The following KCNAB1 variants were observed in gnomAD, a reference collection of about 807,000 sequenced individuals.
KCNAB1 encodes potassium voltage-gated channel subfamily A regulatory beta subunit 1.
In KCNAB1, 35 loss-of-function variants were observed where a neutral mutation model predicts 64.6. The observed-to-expected ratio is 0.54, with a 90% CI of 0.41 to 0.72. The LOEUF is 0.72. Ranked by LOEUF, KCNAB1 falls within the 30% of genes least tolerant of loss-of-function variation. KCNAB1 has a pLI of 0.00. For missense variants in KCNAB1, 401 were observed against 512.9 expected (o/e 0.78, Z 2.11); for synonymous variants, 177 against 183.8 (o/e 0.96, Z 0.30).
chr3:156,292,648 T>C lies in KCNAB1; in HGVS notation c.276-128968T>C, dbSNP rs1179269341. On this transcript the variant is annotated intron_variant, in intron 1 of 13. Coordinates refer to ENST00000490337, the MANE Select transcript of KCNAB1 (RefSeq NM_172160.3). ...AAATAGCCTCCTGGGTTCAAGCGATTCTCCTGCCTTAACCTCCTGAGTAGC... is the reference window on the plus strand; with the variant it reads ...AAATAGCCTCCTGGGTTCAAGCGATCCTCCTGCCTTAACCTCCTGAGTAGC... Among the ~76,000 whole-genome samples, 3 of 152,130 alleles carry C rather than the reference T, an allele frequency of 2.0e-5. No individual in the cohort carries two copies. In the East Asian group the frequency reaches 5.8e-4, roughly 29 times the overall value.
At chr3:156,454,966 C>T (rs6441070) in intron 3 of KCNAB1, among the ~76,000 whole-genome samples, 5,495 of 152,190 alleles carry the variant, frequency 0.036, 344 homozygotes, top group African/African-American at 0.12. Context: ...CTAAAAACTA[C>T]GATAAAGCTG....
chr3:156,467,976 AT>A (rs1210365108), intron 7 of KCNAB1, among the ~76,000 whole-genome samples: 3 of 151,776 alleles, frequency 2.0e-5, no homozygotes, highest in African/African-American at 7.3e-5. Context: ...TTGTCAGGCT[AT>A]TTTTCTTTTG....
intron 1 of KCNAB1, among the ~76,000 whole-genome samples, chr3:156,310,087 C>A (rs969370084): frequency 3.9e-5 from 6 of 152,244 alleles, no homozygotes; most frequent in Admixed American, 3.3e-4. Context: ...TATAAAGAAG[C>A]AAACTGGAGA....
intron 1 of KCNAB1, among the ~76,000 whole-genome samples, chr3:156,234,736 G>T (rs1716749374): frequency 6.6e-6 from 1 of 152,120 alleles, no homozygotes; most frequent in African/African-American, 2.4e-5. Context: ...TGGCTGTGTG[G>T]TTTGCTCTAG....
At chr3:156,442,325 C>T (rs1717062212) in intron 2 of KCNAB1, among the ~76,000 whole-genome samples, 1 of 152,160 alleles carries the variant, frequency 6.6e-6, no homozygotes, top group Non-Finnish European at 1.5e-5. Context: ...CTTTATAACA[C>T]AAAACTGCCT....
chr3:156,467,886 C>G (rs1214094304), intron 7 of KCNAB1, among the ~76,000 whole-genome samples: 1 of 151,990 alleles, frequency 6.6e-6, no homozygotes, highest in Non-Finnish European at 1.5e-5. Flanking sequence ...TATTTATCTC[C>G]TTATTTATAT....
intron 1 of KCNAB1, among the ~76,000 whole-genome samples, chr3:156,383,747 A>G (rs1399754027): frequency 2.0e-5 from 3 of 152,252 alleles, no homozygotes; most frequent in Admixed American, 1.3e-4. Context: ...AGATTTCAAT[A>G]TGCTAGCCAA....
intron 1 of KCNAB1, among the ~76,000 whole-genome samples, chr3:156,238,445 G>A (rs1032047998): frequency 1.4e-5 from 2 of 147,742 alleles, no homozygotes; most frequent in African/African-American, 4.9e-5. Flanking sequence ...AAAAAAAAGG[G>A]TTCCCTTTTA....
chr3:156,170,933 A>G (rs1711930486), intron 1 of KCNAB1, among the ~76,000 whole-genome samples: 1 of 151,908 alleles, frequency 6.6e-6, no homozygotes, highest in South Asian at 2.1e-4. Context: ...TGATGTTTTG[A>G]CTCTTGGTTT....
At chr3:156,330,656 G>A (rs975246911) in intron 1 of KCNAB1, among the ~76,000 whole-genome samples, 1 of 152,092 alleles carries the variant, frequency 6.6e-6, no homozygotes, top group African/African-American at 2.4e-5. Context: ...ATCCCAAGCA[G>A]TGACCATTCT....
At chr3:156,143,569 G>GTTGTTTTTTTTTTTTTTTTTTTTTTTTTT (rs1443482013) in intron 1 of KCNAB1, 1 of 281,598 alleles carries the variant, frequency 3.6e-6, no homozygotes, top group African/African-American at 2.9e-5. Context: ...TTGCATTCTT[G>GTTGTTTTTTTTTTTTTTTTTTTTTTTTTT]TTTTTTTTTT....
At position 156,375,233 on chromosome 3, in the gene KCNAB1, G is replaced by A. The variant is rs780122473; in HGVS notation, c.276-46383G>A. Among the ~76,000 whole-genome samples the A allele has an allele frequency of 1.2e-4, 16 of 135,682 alleles. 4 individuals are homozygous for A. Among genetic ancestry groups the A allele is most frequent in the South Asian group, 4.4e-4 (2 of 4,550 alleles). The allele number at this position is 135,682 out of a possible 152,430, so 89.0% of individuals were successfully genotyped here. On this transcript the variant is annotated intron_variant, in intron 1 of 13. Transcript: ENST00000490337. The stretch of plus-strand genomic sequence containing the variant: ...GAGCTGGTGAGTGACAGAGCAGAAC[G>A]TAGAATGCAGTTTTCTTCATCCTCT...
intron 1 of KCNAB1, among the ~76,000 whole-genome samples, chr3:156,331,057 C>T (rs2108044913): frequency 6.6e-6 from 1 of 152,262 alleles, no homozygotes; most frequent in East Asian, 1.9e-4. Context: ...TTCTTGTGGG[C>T]AGGGGATGTG....
At chr3:156,443,739 T>TACACACACACACACACACACACAC (rs71141708) in intron 2 of KCNAB1, among the ~76,000 whole-genome samples, 1 of 141,734 alleles carries the variant, frequency 7.1e-6, no homozygotes, top group African/African-American at 2.7e-5. Context: ...ATTTAGTCCT[T>TACACACACACACACACACACACAC]ACACACACAC....
At chr3:156,424,646 ATAGTT>A (rs1715696750) in intron 2 of KCNAB1, among the ~76,000 whole-genome samples, 1 of 152,222 alleles carries the variant, frequency 6.6e-6, no homozygotes, top group Non-Finnish European at 1.5e-5. Context: ...ACGGTGGAAA[ATAGTT>A]TAGTCAATAA....
At chr3:156,475,559 T>C (rs184072710) in intron 8 of KCNAB1, among the ~76,000 whole-genome samples, 47 of 152,336 alleles carry the variant, frequency 3.1e-4, no homozygotes, top group East Asian at 1.3e-3. Context: ...CCTGAGGTGA[T>C]TGAGAATGAA....
intron 1 of KCNAB1, among the ~76,000 whole-genome samples, chr3:156,293,135 G>GACAAGTAGAA (rs1242220571): frequency 6.6e-6 from 1 of 152,248 alleles, no homozygotes; most frequent in East Asian, 1.9e-4. Context: ...ACTTACATTT[G>GACAAGTAGAA]ACAAGTAGAA....
In KCNAB1 at chr3:156,249,039, T is replaced by A. The variant is rs556862785; in HGVS notation, c.275+128153T>A. On this transcript the variant is annotated intron_variant, in intron 1 of 13. Transcript: ENST00000490337. ...AGAAATCTGGTTGTGTTTTTTTTTT[T>A]AATTTTTTAATTTTTTTATTTTTTA... Among the ~76,000 whole-genome samples the A allele has an allele frequency of 1.5e-3, 222 of 151,934 alleles. 1 individual carries two copies. The highest frequency in any genetic ancestry group is 8.7e-3 in the South Asian group (42 of 4,810).
chr3:156,479,185 A>T (rs1259247143), intron 8 of KCNAB1, among the ~76,000 whole-genome samples: 2 of 151,990 alleles, frequency 1.3e-5, no homozygotes, highest in Non-Finnish European at 1.5e-5. Flanking sequence ...CCCACATCCC[A>T]TTTCCTCCTT....
Sources: allele counts gnomAD v4.1 joint callset (sites outside exome capture counted in the v4.1 genomes callset), GRCh38; gene constraint gnomAD v4.1.1; transcripts MANE v1.5; gene names NCBI Gene and HGNC (gene_info 2026-07-23, HGNC 2026-07-21).